The following CCDC77 variants were observed in gnomAD, a reference collection of about 807,000 sequenced individuals.
CCDC77 encodes the protein coiled-coil domain containing 77.
CCDC77 carries 56 observed loss-of-function variants against 66.8 expected under a neutral mutation model. That is an observed-to-expected ratio of 0.84 (90% CI 0.68 to 1.05). The LOEUF (loss-of-function observed/expected upper bound fraction) is 1.05, where lower values mean the gene tolerates loss of function less well. Among genes scored for constraint, CCDC77 ranks in the 50% least tolerant of loss-of-function variants. The pLI, the probability that CCDC77 is intolerant of heterozygous loss-of-function variation, is 0.00. For missense variants in CCDC77, 570 were observed against 576.8 expected (o/e 0.99, Z 0.12); for synonymous variants, 196 against 195.2 (o/e 1.00, Z -0.03).
intron 1 of CCDC77, among the ~76,000 whole-genome samples, chr12:393,156 T>C (rs1413176218): frequency 6.6e-6 from 1 of 152,216 alleles, no homozygotes; most frequent in Non-Finnish European, 1.5e-5. Context: ...TGTCACTCCG[T>C]TGCCCAGTTG....
chr12:396,367 G>A (rs564282620), intron 1 of CCDC77, among the ~76,000 whole-genome samples: 2 of 152,326 alleles, frequency 1.3e-5, no homozygotes, highest in East Asian at 3.9e-4. Flanking sequence ...ACTCCAGCCT[G>A]CGGGACAGAG....
chr12:434,633 T>G (rs924503610), intron 9 of CCDC77, among the ~76,000 whole-genome samples: 1 of 152,246 alleles, frequency 6.6e-6, no homozygotes, highest in Non-Finnish European at 1.5e-5. Context: ...ATTACAGGCA[T>G]GAGCCACCAC....
At chr12:415,231 C>T (rs192992284) in intron 4 of CCDC77, among the ~76,000 whole-genome samples, 88 of 149,684 alleles carry the variant, frequency 5.9e-4, no homozygotes, top group African/African-American at 2.2e-3. Context: ...TGTATGCTCT[C>T]CCTTTCTCTG....
chr12:419,082 G>C (rs1014828632), intron 5 of CCDC77, among the ~76,000 whole-genome samples: 1 of 152,220 alleles, frequency 6.6e-6, no homozygotes. Flanking sequence ...CTGAGATGGA[G>C]ATTTGCCTTC....
chr12:424,459 A>G (rs1334700846), intron 5 of CCDC77, among the ~76,000 whole-genome samples: 1 of 150,874 alleles, frequency 6.6e-6, no homozygotes, highest in East Asian at 1.9e-4. Flanking sequence ...GATTATAGGC[A>G]TGCACCACTA....
intron 2 of CCDC77, among the ~76,000 whole-genome samples, chr12:409,021 T>C (rs1251073158): frequency 6.6e-6 from 1 of 151,984 alleles, no homozygotes; most frequent in Non-Finnish European, 1.5e-5. Context: ...CTGGCCAATA[T>C]GGTGAAACCC....
intron 1 of CCDC77, among the ~76,000 whole-genome samples, chr12:390,790 C>T (rs1333137924): frequency 1.3e-5 from 2 of 150,990 alleles, no homozygotes; most frequent in East Asian, 1.9e-4. Context: ...TCTGGAGAAC[C>T]GTGAATACAT....
At position 414,065 on chromosome 12, in the gene CCDC77, T is replaced by C. The variant is rs558626087; in HGVS notation, c.270+2087T>C. On this transcript the variant is annotated intron_variant, in intron 4 of 12. Transcript: ENST00000239830. ...GTGTCTGTCACTTTTGACCTCTCTT[T>C]TTCTAAAATTTTCTTCCTTTCTTGA... Among the ~76,000 whole-genome samples the C allele has an allele frequency of 9.2e-5, 14 of 151,736 alleles. No homozygotes were observed. The East Asian group carries it at 2.7e-3, about 29-fold the overall frequency.
rs146741036 is a variant in CCDC77 at position 441,881 on chromosome 12, G to A, written c.1428G>A (p.Ser476=). The part of the protein sequence containing the change: ...KIQGELKNLK[S]KVFGLENELR... ...AAGGAGAACTGAAGAATCTTAAGTC[G>A]AAAGTGTTTGGTCTGGAGAATGAAC... is the stretch of plus-strand genomic sequence containing the variant. The change falls in exon 13 of 13, where the codon TCG becomes TCA. Residue 476 remains serine (S), a synonymous_variant. Transcript: ENST00000239830. 1.1e-5 allele frequency: 18 copies of A among 1,613,738 alleles called. No homozygotes were observed. The highest frequency in any genetic ancestry group is 1.6e-4 in the Middle Eastern group (1 of 6,084).
intron 2 of CCDC77, among the ~76,000 whole-genome samples, chr12:406,496 G>T (rs993952657): frequency 2.0e-5 from 3 of 152,226 alleles, no homozygotes; most frequent in Non-Finnish European, 4.4e-5. Context: ...AAGTAATGAG[G>T]TTGGCCAGAT....
chr12:422,824 GGCT>G (rs1945431003), intron 5 of CCDC77, among the ~76,000 whole-genome samples: 1 of 152,112 alleles, frequency 6.6e-6, no homozygotes, highest in African/African-American at 2.4e-5. Context: ...ATGTGGCCCA[GGCT>G]GGTCTCCAAC....
chr12:398,500 C>T (rs1396426916), upstream of CCDC77, among the ~76,000 whole-genome samples: 19 of 151,382 alleles, frequency 1.3e-4, no homozygotes, highest in Admixed American at 6.6e-5. Flanking sequence ...ACTGCAGTGG[C>T]GCGATCTGGG....
chr12:422,183 G>A, intron 5 of CCDC77, among the ~76,000 whole-genome samples: 1 of 136,120 alleles, frequency 7.3e-6, no homozygotes, highest in African/African-American at 2.7e-5. Context: ...TGTGCTGGGA[G>A]TGAGAGGGTA....
chr12:423,477 G>GTTTTTTTTTTTTTTTTTTTTTT (rs1565572179), intron 5 of CCDC77, among the ~76,000 whole-genome samples: 1 of 24,958 alleles, frequency 4.0e-5, no homozygotes, highest in African/African-American at 9.6e-5. Flanking sequence ...TGTGTTTTTT[G>GTTTTTTTTTTTTTTTTTTTTTT]TGTTTTTTTT....
chr12:389,352 C>G (rs181466393), exon 1 of CCDC77: 1 of 617,364 alleles, frequency 1.6e-6, no homozygotes, highest in Non-Finnish European at 2.9e-6. Flanking sequence ...GAAACGGAAT[C>G]CTTCCGCAGC....
intron 5 of CCDC77, among the ~76,000 whole-genome samples, chr12:423,477 GTGTTTTTTTTTGTTTTGTT>G (rs1945462885): frequency 8.0e-5 from 2 of 24,986 alleles, no homozygotes; most frequent in African/African-American, 1.9e-4. Flanking sequence ...TGTGTTTTTT[GTGTTTTTTTTTGTTTTGTT>G]TTTTTTTTTT....
chr12:393,968 A>C (rs967413279), intron 1 of CCDC77, among the ~76,000 whole-genome samples: 2 of 152,224 alleles, frequency 1.3e-5, no homozygotes, highest in African/African-American at 4.8e-5. Context: ...ATATCAAAAA[A>C]ATTTACAAAA....
chr12:414,040 G>A (rs967971711), intron 4 of CCDC77, among the ~76,000 whole-genome samples: 1 of 151,382 alleles, frequency 6.6e-6, no homozygotes, highest in Non-Finnish European at 1.5e-5. Flanking sequence ...GCCCTTTGCA[G>A]TGTCTGTCAC....
At position 416,357 on chromosome 12, in the gene CCDC77, G is replaced by GTATA. The variant is rs1309603806; in HGVS notation, c.271-2136_271-2135insATAT. Among the ~76,000 whole-genome samples, 49 of 39,824 alleles carry GTATA rather than the reference G, an allele frequency of 1.2e-3. 1 individual carries two copies. The highest frequency in any genetic ancestry group is 9.5e-3 in the South Asian group (8 of 846). The allele number at this position is 39,824 out of a possible 152,430, so 26.1% of individuals were successfully genotyped here. On this transcript the variant is annotated intron_variant, in intron 4 of 12. Coordinates refer to ENST00000239830, the MANE Select transcript of CCDC77 (RefSeq NM_032358.4). ...TGGGTGTGTGGGGGTGTGTGTGTGTGTGTGTGTGTGTGTGTGTGTGTATAT... is the reference window on the plus strand; with the variant it reads ...TGGGTGTGTGGGGGTGTGTGTGTGTGTATATGTGTGTGTGTGTGTGTGTGTATAT...
Sources: allele counts gnomAD v4.1 joint callset (sites outside exome capture counted in the v4.1 genomes callset), GRCh38; gene constraint gnomAD v4.1.1; transcripts MANE v1.5; gene names NCBI Gene and HGNC (gene_info 2026-07-23, HGNC 2026-07-21).